The following DGKI variants were observed in gnomAD, a reference collection of about 807,000 sequenced individuals.
The protein encoded by DGKI is DAG kinase iota.
DGKI carries 55 observed loss-of-function variants against 147.5 expected under a neutral mutation model. That is an observed-to-expected ratio of 0.37 (90% CI 0.30 to 0.47). The LOEUF is 0.47. DGKI is among the 20% of genes least tolerant of loss of function. DGKI has a pLI of 1.00. For missense variants in DGKI, 1,007 were observed against 1,323.8 expected, an observed-to-expected ratio of 0.76 and a Z score of 3.71; for synonymous variants, 469 against 477.1, an observed-to-expected ratio of 0.98 and a Z score of 0.22.
At chr7:137,600,308 T>C (rs1819944757) in intron 10 of DGKI, among the ~76,000 whole-genome samples, 1 of 152,190 alleles carries the variant, frequency 6.6e-6, no homozygotes, top group South Asian at 2.1e-4. Flanking sequence ...TATCTAATTA[T>C]AAGCAGTATA....
chr7:137,444,618 C>G (rs540435227), intron 27 of DGKI, among the ~76,000 whole-genome samples: 6 of 152,170 alleles, frequency 3.9e-5, no homozygotes. Flanking sequence ...ACCCTCTATT[C>G]GCTGCATTAT....
At chr7:137,623,794 G>A (rs941433844) in intron 6 of DGKI, among the ~76,000 whole-genome samples, 4 of 152,080 alleles carry the variant, frequency 2.6e-5, no homozygotes, top group African/African-American at 7.3e-5. Context: ...GTATTTCCTA[G>A]ACCACCTACT....
At chr7:137,844,290 T>C (rs774916787) in intron 1 of DGKI, among the ~76,000 whole-genome samples, 2 of 152,198 alleles carry the variant, frequency 1.3e-5, no homozygotes, top group Non-Finnish European at 2.9e-5. Context: ...AGCACCTCCT[T>C]TTCACCATCT....
chr7:137,783,952 A>G (rs543363705), intron 1 of DGKI, among the ~76,000 whole-genome samples: 22 of 152,350 alleles, frequency 1.4e-4, no homozygotes, highest in African/African-American at 4.8e-4. Context: ...CTCCCAAGTC[A>G]GCATTACAAG....
chr7:137,407,069 GTA>G (rs1156805479), intron 30 of DGKI, among the ~76,000 whole-genome samples: 8 of 151,968 alleles, frequency 5.3e-5, no homozygotes, highest in Non-Finnish European at 1.2e-4. Flanking sequence ...CAATCTCTCT[GTA>G]TACCAAGATC....
intron 27 of DGKI, among the ~76,000 whole-genome samples, chr7:137,462,863 G>GT (rs1814502616): frequency 6.6e-6 from 1 of 152,104 alleles, no homozygotes; most frequent in Admixed American, 6.6e-5. Context: ...GAGCACAAAG[G>GT]TATCGACACT....
chr7:137,476,662 G>A (rs768894078), intron 23 of DGKI, among the ~76,000 whole-genome samples: 24 of 152,008 alleles, frequency 1.6e-4, no homozygotes, highest in Admixed American at 3.3e-4. Flanking sequence ...GGCTTTTTTC[G>A]TTTTGTTATT....
rs183848854 is a variant in DGKI, at chr7:137,745,304, C to T, written c.402-55302G>A. On this transcript the variant is annotated intron_variant, in intron 1 of 32. Coordinates refer to ENST00000614521, the MANE Select transcript of DGKI (RefSeq NM_001321708.2). ...TCTCTCTCCTCCTTGGGGAAGACTA[C>T]GTCCAAAGAAATCACCCAGTATAAA... Among the ~76,000 whole-genome samples, 20 of 152,244 alleles carry T rather than the reference C, an allele frequency of 1.3e-4. 1 individual carries two copies. In the East Asian group the frequency reaches 1.5e-3, roughly 12 times the overall value.
At chr7:137,781,727 A>G (rs1372880255) in intron 1 of DGKI, among the ~76,000 whole-genome samples, 1 of 152,186 alleles carries the variant, frequency 6.6e-6, no homozygotes, top group Non-Finnish European at 1.5e-5. Context: ...TTTAACCTGA[A>G]TGTTTTGTTT....
rs560605976 is a variant in DGKI at position 137,595,561 on chromosome 7, T to C, written c.1311+2286A>G. On this transcript the variant is annotated intron_variant, in intron 12 of 32. Coordinates refer to ENST00000614521, the MANE Select transcript of DGKI (RefSeq NM_001321708.2). ...GACTTTGGCTCCGGACCCATAATTATACATTTCACAAGTGTGTGGACTTGG... is the reference window on the plus strand; with the variant it reads ...GACTTTGGCTCCGGACCCATAATTACACATTTCACAAGTGTGTGGACTTGG... Among the ~76,000 whole-genome samples, 7 of 152,324 alleles carry C rather than the reference T, an allele frequency of 4.6e-5. No individual in the cohort carries two copies. In the East Asian group the frequency reaches 9.7e-4, roughly 21 times the overall value.
In DGKI at chr7:137,811,258, G is replaced by A. The variant is rs560211662; in HGVS notation, c.401+35204C>T. On this transcript the variant is annotated intron_variant, in intron 1 of 32. Coordinates refer to ENST00000614521, the MANE Select transcript of DGKI (RefSeq NM_001321708.2). ...AATGATATTACACAGGAAGAGTTAT[G>A]GGGTTTTCACAAATGGGAAGATCCA... Among the ~76,000 whole-genome samples, 8 of 152,080 alleles carry A rather than the reference G, an allele frequency of 5.3e-5. No homozygotes were observed. The East Asian group carries it at 1.5e-3, about 29-fold the overall frequency.
At chr7:137,675,384 G>A (rs763620061) in intron 3 of DGKI, among the ~76,000 whole-genome samples, 11 of 152,066 alleles carry the variant, frequency 7.2e-5, no homozygotes, top group South Asian at 2.1e-4. Flanking sequence ...TGAGGTGCTC[G>A]TTAAAATCAC....
At chr7:137,806,488 C>T (rs1003285045) in intron 1 of DGKI, among the ~76,000 whole-genome samples, 7 of 152,044 alleles carry the variant, frequency 4.6e-5, no homozygotes, top group African/African-American at 1.7e-4. Flanking sequence ...GGCTGAAGTG[C>T]AGTGGTGCGA....
intron 21 of DGKI, among the ~76,000 whole-genome samples, chr7:137,506,460 G>T (rs2128945264): frequency 6.6e-6 from 1 of 152,218 alleles, no homozygotes; most frequent in African/African-American, 2.4e-5. Flanking sequence ...GAGGAAGGGA[G>T]AAATGAAAAG....
At chr7:137,428,491 C>G (rs913221363) in intron 28 of DGKI, among the ~76,000 whole-genome samples, 1 of 152,082 alleles carries the variant, frequency 6.6e-6, no homozygotes, top group East Asian at 1.9e-4. Flanking sequence ...AAAACTGGCA[C>G]AAGACAGGGA....
At chr7:137,576,591 T>A (rs1489814625) in intron 17 of DGKI, among the ~76,000 whole-genome samples, 1 of 152,166 alleles carries the variant, frequency 6.6e-6, no homozygotes, top group Non-Finnish European at 1.5e-5. Context: ...TTGAGAAAGA[T>A]AAATTTCTCT....
intron 3 of DGKI, among the ~76,000 whole-genome samples, chr7:137,666,495 G>A (rs1056402044): frequency 1.3e-5 from 2 of 152,178 alleles, no homozygotes; most frequent in Non-Finnish European, 2.9e-5. Context: ...GGTGACTATC[G>A]CGTACTGCCA....
chr7:137,594,447 C>T (rs2128986834), intron 12 of DGKI, among the ~76,000 whole-genome samples: 1 of 152,272 alleles, frequency 6.6e-6, no homozygotes, highest in African/African-American at 2.4e-5. Context: ...TTAAATAATA[C>T]TTTCTATACC....
At chr7:137,788,909 A>T (rs1796760915) in intron 1 of DGKI, among the ~76,000 whole-genome samples, 1 of 152,224 alleles carries the variant, frequency 6.6e-6, no homozygotes, top group African/African-American at 2.4e-5. Context: ...TTAATCTTCA[A>T]CAGAATCCCT....
Sources: allele counts gnomAD v4.1 joint callset (sites outside exome capture counted in the v4.1 genomes callset), GRCh38; gene constraint gnomAD v4.1.1; transcripts MANE v1.5; gene names NCBI Gene and HGNC (gene_info 2026-07-23, HGNC 2026-07-21).